GRSF1: variants seen among roughly 807,000 people sequenced by gnomAD.
The protein encoded by GRSF1 is G-rich sequence factor 1.
A neutral mutation model predicts 51.1 loss-of-function variants in GRSF1; 50 were observed. The ratio of observed to expected loss-of-function variants is 0.98; its 90% CI spans 0.78 to 1.24. GRSF1 has a LOEUF of 1.24. Ranked by LOEUF, GRSF1 falls within the 50% of genes most tolerant of loss-of-function variation. GRSF1 has a pLI of 0.00. For synonymous variants in GRSF1, 293 were observed against 253.3 expected, an observed-to-expected ratio of 1.16 and a Z score of -1.49; for missense variants, 700 against 639.7, an observed-to-expected ratio of 1.09 and a Z score of -1.02.
chr4:70,831,590 G>A lies in GRSF1; in HGVS notation c.899C>T (p.Pro300Leu). 1 of 1,613,586 alleles carries A rather than the reference G, an allele frequency of 6.2e-7. No homozygotes were observed. Among genetic ancestry groups the A allele is most frequent in the Non-Finnish European group, 8.5e-7 (1 of 1,179,642 alleles). The change falls in exon 5 of 10, where the codon CCA (proline) becomes CTA (leucine). Residue 300 changes from proline (P) to leucine (L), a missense_variant. Pro to Leu is a moderately conservative substitution (Grantham distance 98, BLOSUM62 -3). Transcript: ENST00000254799. Reference sequence around the variant, plus strand: ...CAACAGGGCTTGGTTGGCCATTTCTGGTTCTTCAAATTGCACATAGGCTTC... The same window carrying A: ...CAACAGGGCTTGGTTGGCCATTTCTAGTTCTTCAAATTGCACATAGGCTTC... ...TGEAYVQFEE[P>L]EMANQALLKH... is the part of the protein sequence containing the mutation.
upstream of GRSF1, among the ~76,000 whole-genome samples, chr4:70,842,825 AAAT>A (rs1422175246): frequency 6.6e-6 from 1 of 152,192 alleles, no homozygotes; most frequent in Non-Finnish European, 1.5e-5. Context: ...TCAGGAGTAT[AAAT>A]AATAAGAGGC....
At chr4:70,828,149 G>A (rs1733808646) in intron 5 of GRSF1, 113 bp from the exon 6 acceptor site, 1 of 747,046 alleles carries the variant, frequency 1.3e-6, no homozygotes, top group Non-Finnish European at 2.2e-6. Flanking sequence ...AAACACAGGT[G>A]TCAAAAGATA....
At chr4:70,834,386 G>A (rs1455676988) in intron 2 of GRSF1, among the ~76,000 whole-genome samples, 1 of 151,798 alleles carries the variant, frequency 6.6e-6, no homozygotes, top group Non-Finnish European at 1.5e-5. Context: ...ACCTTCTATT[G>A]TAAATGTCTG....
Position 70,833,208 on chromosome 4 carries a change from C to T in GRSF1, c.580G>A (p.Gly194Ser). ...FLLNRDGKRR[G>S]DALIEMESEQ... The stretch of plus-strand genomic sequence containing the variant: ...GACTCCATTTCAATTAAGGCATCAC[C>T]CCTTCGTTTCCCATCTCTGTTTAGG... Residue 194 changes from glycine (G) to serine (S), a missense_variant, in exon 3 of 10, where the codon GGT (glycine) becomes AGT (serine). Transcript: ENST00000254799. The T allele has an allele frequency of 2.5e-6, 4 of 1,613,788 alleles. No individual in the cohort carries two copies. Among genetic ancestry groups the T allele is most frequent in the Non-Finnish European group, 3.4e-6 (4 of 1,179,718 alleles).
At chr4:70,823,435 A>T (rs1733602178) in intron 9 of GRSF1, among the ~76,000 whole-genome samples, 1 of 151,664 alleles carries the variant, frequency 6.6e-6, no homozygotes, top group Non-Finnish European at 1.5e-5. Flanking sequence ...AAATTTAAAA[A>T]AAATGAAAAA....
In GRSF1 at chr4:70,832,389, C is replaced by T. The variant is rs560035554; in HGVS notation, c.732G>A (p.Ser244=). Residue 244 remains serine, a synonymous_variant, in exon 4 of 10, where the codon TCG becomes TCA. Transcript: ENST00000254799. ...GAACCACACCATCATTTACCACAGG[C>T]GAAGATTTGACCTGCAAGCTCTTCA... is the stretch of plus-strand genomic sequence containing the variant. ...ALMKSLQVKS[S]PVVNDGVVRL... The T allele has an allele frequency of 4.7e-5, 76 of 1,610,974 alleles. No homozygotes were observed. The highest frequency in any genetic ancestry group is 5.2e-5 in the Non-Finnish European group (61 of 1,177,350).
At chr4:70,831,414 A>T in intron 5 of GRSF1, 125 bp downstream of exon 5, 1 of 738,130 alleles carries the variant, frequency 1.4e-6, no homozygotes. Flanking sequence ...TGGGCATTTG[A>T]TGGCTCACTA....
At chr4:70,839,132 CAAG>C (rs1372598437) in intron 1 of GRSF1, 1 of 1,309,398 alleles carries the variant, frequency 7.6e-7, no homozygotes, top group Non-Finnish European at 1.0e-6. Context: ...CGGCGGAAAG[CAAG>C]AAGATGCGAG....
intron 9 of GRSF1, among the ~76,000 whole-genome samples, chr4:70,821,957 T>A: frequency 6.6e-6 from 1 of 151,960 alleles, no homozygotes; most frequent in Non-Finnish European, 1.5e-5. Context: ...ATTACTGGAG[T>A]AACCCACCAT....
intron 2 of GRSF1, among the ~76,000 whole-genome samples, chr4:70,834,902 C>T (rs994554151): frequency 7.9e-5 from 12 of 151,978 alleles, no homozygotes; most frequent in African/African-American, 2.7e-4. Context: ...GGATTACAGG[C>T]GTGAGCCACC....
At position 70,836,329 on chromosome 4, in the gene GRSF1, G is replaced by A. The variant is rs750339199; in HGVS notation, c.358-15C>T. The A allele has an allele frequency of 3.9e-6, 6 of 1,528,308 alleles. No homozygotes were observed. The South Asian group carries it at 7.5e-5, about 19-fold the overall frequency. 94.7% of individuals were successfully genotyped at this position (1,528,308 alleles called of 1,614,324 possible). ...GTTTTGGACTCCTTCCAAAGGAAAT[G>A]AAGAATTGTAAAAAGAGTTGCATTT... On this transcript the variant is annotated splice_polypyrimidine_tract_variant and intron_variant, in intron 1 of 9. Coordinates refer to ENST00000254799, the MANE Select transcript of GRSF1 (RefSeq NM_002092.4).
rs979199297 is a variant in GRSF1, at chr4:70,821,248, G to A, written c.*26-387C>T. Among the ~76,000 whole-genome samples, 7 of 152,032 alleles carry A rather than the reference G, an allele frequency of 4.6e-5. No individual in the cohort carries two copies. The East Asian group carries it at 5.8e-4, about 13-fold the overall frequency. On this transcript the variant is annotated intron_variant, in intron 9 of 9. Coordinates refer to ENST00000254799, the MANE Select transcript of GRSF1 (RefSeq NM_002092.4). ...TCGAGACCAACCCGGCCAACATAAAGAAACCCCGTCTCCACAAAAATAAAA... is the reference window on the plus strand; with the variant it reads ...TCGAGACCAACCCGGCCAACATAAAAAAACCCCGTCTCCACAAAAATAAAA...
intron 8 of GRSF1, among the ~76,000 whole-genome samples, chr4:70,825,029 G>A (rs1176514385): frequency 2.6e-5 from 4 of 152,098 alleles, no homozygotes; most frequent in Non-Finnish European, 5.9e-5. Flanking sequence ...TTGAACACAG[G>A]AGGCTGAGAC....
rs776184513 is a variant in GRSF1, at chr4:70,825,315, G to A, written c.1374C>T (p.Leu458=). Residue 458 remains leucine, a synonymous_variant, in exon 8 of 10, where the codon CTC becomes CTT. Coordinates refer to ENST00000254799, the MANE Select transcript of GRSF1 (RefSeq NM_002092.4). ...ETHEDAVAAM[L]KDRSHVHHRY... ...ACTTACGAACGTGGGACCGATCCTT[G>A]AGCATCGCTGCAACAGCATCCTCAT... 1.9e-6 allele frequency: 3 copies of A among 1,608,202 alleles called. No individual in the cohort carries two copies. Among genetic ancestry groups the A allele is most frequent in the East Asian group, 2.2e-5 (1 of 44,850 alleles).
intron 6 of GRSF1, among the ~76,000 whole-genome samples, chr4:70,827,035 C>G (rs1239785993): frequency 6.6e-6 from 1 of 152,150 alleles, no homozygotes; most frequent in Non-Finnish European, 1.5e-5. Flanking sequence ...TGCCTGTAAT[C>G]CCAGCACTTT....
intron 9 of GRSF1, among the ~76,000 whole-genome samples, chr4:70,822,332 C>T (rs1208977139): frequency 6.6e-6 from 1 of 152,074 alleles, no homozygotes; most frequent in Non-Finnish European, 1.5e-5. Flanking sequence ...CCTGTAATCC[C>T]AGCACTTTGG....
chr4:70,816,884 T>G lies in GRSF1; in HGVS notation c.*4003A>C, dbSNP rs1164171564. 3.3e-5 allele frequency: 5 copies of G among 152,248 alleles called. No homozygotes were observed. Among genetic ancestry groups the G allele is most frequent in the South Asian group, 2.1e-4 (1 of 4,826 alleles). 9.4% of individuals were successfully genotyped at this position (152,248 alleles called of 1,614,324 possible). On this transcript the variant is annotated 3_prime_UTR_variant, in exon 10 of 10. Coordinates refer to ENST00000254799, the MANE Select transcript of GRSF1 (RefSeq NM_002092.4). The stretch of plus-strand genomic sequence containing the variant: ...GCATGGCAAAATGCTGCTTGTACAA[T>G]CTAAGGGATGGGTATTGGCATCACC...
chr4:70,829,974 A>G (rs1052655294), intron 5 of GRSF1, among the ~76,000 whole-genome samples: 1 of 152,344 alleles, frequency 6.6e-6, no homozygotes, highest in South Asian at 2.1e-4. Context: ...CTGTACCTCC[A>G]AAGTTAAAGT....
intron 3 of GRSF1, 49 bp downstream of exon 3, chr4:70,833,069 T>C: frequency 6.5e-7 from 1 of 1,546,578 alleles, no homozygotes; most frequent in South Asian, 1.2e-5. Context: ...TTGAAAAGTA[T>C]AAAACCTAAT....
Sources: gnomAD v4.1 joint callset for allele counts (sites outside exome capture counted in the v4.1 genomes callset) on GRCh38, gnomAD v4.1.1 for gene constraint, MANE v1.5 for transcripts, NCBI Gene and HGNC (gene_info 2026-07-23, HGNC 2026-07-21) for gene names.